MITF: variants seen among roughly 807,000 people sequenced by gnomAD.
MITF encodes microphthalmia-associated transcription factor.
In MITF, 17 loss-of-function variants were observed where a neutral mutation model predicts 60.5. The ratio of observed to expected loss-of-function variants is 0.28; its 90% CI spans 0.19 to 0.42. The LOEUF (loss-of-function observed/expected upper bound fraction) is 0.42, where lower values mean the gene tolerates loss of function less well. Among genes scored for constraint, MITF ranks in the 10% least tolerant of loss-of-function variants. The pLI is 1.00. For synonymous variants in MITF, 260 were observed against 248.5 expected (o/e 1.05, Z -0.43); for missense variants, 622 against 683.5 (o/e 0.91, Z 1.00).
In MITF at chr3:69,845,279, A is replaced by ATGAC. The variant is rs566017245; in HGVS notation, c.105-33853_105-33850dup. 8.0e-4 allele frequency among the ~76,000 whole-genome samples: 121 copies of ATGAC among 152,122 alleles called. 1 individual carries two copies. The East Asian group carries it at 0.021, about 26-fold the overall frequency. On this transcript the variant is annotated intron_variant, in intron 1 of 9. Transcript: ENST00000352241. ...ATATATAAATATTAAAATTAGGAGAATGACTTCTTTCTCCCAGATCATTTT... is the reference window on the plus strand; with the variant it reads ...ATATATAAATATTAAAATTAGGAGAATGACTGACTTCTTTCTCCCAGATCATTTT...
chr3:69,936,482 C>A (rs760983852), intron 2 of MITF: 4 of 794,776 alleles, frequency 5.0e-6, no homozygotes, highest in Admixed American at 3.7e-5. Context: ...ACATTTAAGA[C>A]CAAACTCGTA....
intron 2 of MITF, among the ~76,000 whole-genome samples, chr3:69,911,455 ACTGTGTGCAATTC>A (rs1303458099): frequency 6.6e-6 from 1 of 152,186 alleles, no homozygotes; most frequent in East Asian, 1.9e-4. Context: ...GGCATGCACC[ACTGTGTGCAATTC>A]CTGTTAGGTT....
intron 1 of MITF, among the ~76,000 whole-genome samples, chr3:69,868,620 G>A (rs2064161323): frequency 6.6e-6 from 1 of 152,094 alleles, no homozygotes; most frequent in African/African-American, 2.4e-5. Context: ...ACAGCTATTG[G>A]CTGGGCGCGG....
At chr3:69,755,166 T>C (rs967451675) in intron 1 of MITF, among the ~76,000 whole-genome samples, 1 of 152,228 alleles carries the variant, frequency 6.6e-6, no homozygotes, top group Non-Finnish European at 1.5e-5. Flanking sequence ...CCTTTCATCA[T>C]AATTATAGAC....
chr3:69,916,253 A>G (rs183940499), intron 2 of MITF, among the ~76,000 whole-genome samples: 35 of 152,300 alleles, frequency 2.3e-4, no homozygotes, highest in African/African-American at 8.4e-4. Context: ...ATAATAATTC[A>G]AATAAACTGA....
At chr3:69,782,639 T>G (rs2062584618) in intron 1 of MITF, among the ~76,000 whole-genome samples, 1 of 152,192 alleles carries the variant, frequency 6.6e-6, no homozygotes, top group Non-Finnish European at 1.5e-5. Context: ...CACATGGCAG[T>G]ATTCTCTATT....
chr3:69,912,289 T>C (rs1237155263), intron 2 of MITF, among the ~76,000 whole-genome samples: 1 of 152,196 alleles, frequency 6.6e-6, no homozygotes, highest in Admixed American at 6.5e-5. Flanking sequence ...AGCAGGGAAC[T>C]TATGGGGCTT....
In MITF at chr3:69,956,544, CGT is replaced by C; in HGVS notation, c.1031+17_1031+18del. 1.3e-6 allele frequency: 2 copies of C among 1,597,716 alleles called. No individual in the cohort carries two copies. The highest frequency in any genetic ancestry group is 1.3e-5 in the African/African-American group (1 of 74,612). ...GTCAAATGATCCGTGAGTACAATCG[CGT>C]GTTAATCTGCATCATATATTTTTCG... On this transcript the variant is annotated intron_variant, in intron 8 of 9. Coordinates refer to ENST00000352241, the MANE Select transcript of MITF (RefSeq NM_001354604.2).
chr3:69,790,162 A>C (rs2062717611), intron 1 of MITF, among the ~76,000 whole-genome samples: 1 of 152,198 alleles, frequency 6.6e-6, no homozygotes, highest in Admixed American at 6.5e-5. Context: ...ATAGTAAGTT[A>C]AGTAAGCCAG....
intron 1 of MITF, among the ~76,000 whole-genome samples, chr3:69,757,240 A>G (rs1704186160): frequency 6.6e-6 from 1 of 152,188 alleles, no homozygotes; most frequent in Admixed American, 6.5e-5. Context: ...CCATATATAT[A>G]TATTCATACA....
At chr3:69,921,295 T>G (rs919565533) in intron 2 of MITF, among the ~76,000 whole-genome samples, 1 of 152,226 alleles carries the variant, frequency 6.6e-6, no homozygotes, top group Non-Finnish European at 1.5e-5. Flanking sequence ...GTAACGTTCC[T>G]TTATTTACTA....
At chr3:69,881,579 T>C (rs2064488798) in intron 2 of MITF, among the ~76,000 whole-genome samples, 1 of 151,986 alleles carries the variant, frequency 6.6e-6, no homozygotes, top group Non-Finnish European at 1.5e-5. Context: ...AGTTGGCTTA[T>C]TTTCAAAATT....
At chr3:69,892,420 A>G (rs1387702418) in intron 2 of MITF, among the ~76,000 whole-genome samples, 1 of 152,176 alleles carries the variant, frequency 6.6e-6, no homozygotes, top group Non-Finnish European at 1.5e-5. Context: ...CAGTCAGGGA[A>G]CCTAGATTGA....
At chr3:69,765,986 A>G (rs1040313796) in intron 1 of MITF, among the ~76,000 whole-genome samples, 8 of 152,246 alleles carry the variant, frequency 5.3e-5, no homozygotes, top group African/African-American at 1.9e-4. Context: ...GCGGAAAGGA[A>G]AAATAGTTAT....
At chr3:69,818,329 C>T (rs1240310399) in intron 1 of MITF, among the ~76,000 whole-genome samples, 1 of 152,164 alleles carries the variant, frequency 6.6e-6, no homozygotes, top group Non-Finnish European at 1.5e-5. Context: ...TCTGTTTCCT[C>T]TTAGGTGTCC....
intron 2 of MITF, among the ~76,000 whole-genome samples, chr3:69,917,397 T>C (rs2107412850): frequency 6.7e-6 from 1 of 149,690 alleles, no homozygotes; most frequent in Middle Eastern, 3.4e-3. Flanking sequence ...TTTTTTTTTT[T>C]GACATCTTTA....
chr3:69,801,562 G>A (rs542847000), intron 1 of MITF, among the ~76,000 whole-genome samples: 25 of 152,114 alleles, frequency 1.6e-4, no homozygotes, highest in Non-Finnish European at 3.2e-4. Context: ...AAGCATTGCT[G>A]CATATACCAG....
intron 9 of MITF, among the ~76,000 whole-genome samples, chr3:69,961,649 C>T (rs2066551274): frequency 1.3e-5 from 2 of 151,934 alleles, no homozygotes; most frequent in Non-Finnish European, 2.9e-5. Flanking sequence ...CAGGAGAACC[C>T]GGGAGGCAGA....
chr3:69,807,867 T>C (rs2063035438), intron 1 of MITF, among the ~76,000 whole-genome samples: 1 of 152,124 alleles, frequency 6.6e-6, no homozygotes, highest in South Asian at 2.1e-4. Flanking sequence ...CCAGAGACTG[T>C]TAAGAGCTGG....
Sources: gnomAD v4.1 joint callset for allele counts (sites outside exome capture counted in the v4.1 genomes callset) on GRCh38, gnomAD v4.1.1 for gene constraint, MANE v1.5 for transcripts, NCBI Gene and HGNC (gene_info 2026-07-23, HGNC 2026-07-21) for gene names.